The following KIRREL3 variants were observed in gnomAD, a reference collection of about 807,000 sequenced individuals.
The protein encoded by KIRREL3 is kin of IRRE-like protein 3.
In KIRREL3, 36 loss-of-function variants were observed where a neutral mutation model predicts 89.7. The observed-to-expected ratio is 0.40, with a 90% CI of 0.31 to 0.53. KIRREL3 has a LOEUF of 0.53. KIRREL3 is among the 20% of genes least tolerant of loss of function. The pLI, the probability that KIRREL3 is intolerant of heterozygous loss-of-function variation, is 0.49. For missense variants in KIRREL3, 864 were observed against 1,056.6 expected, an observed-to-expected ratio of 0.82 and a Z score of 2.53; for synonymous variants, 445 against 441.4, an observed-to-expected ratio of 1.01 and a Z score of -0.10.
In KIRREL3 at chr11:126,655,741, G is replaced by A. The variant is rs1056184927; in HGVS notation, c.56-92829C>T. Among the ~76,000 whole-genome samples, 11 of 152,082 alleles carry A rather than the reference G, an allele frequency of 7.2e-5. No homozygotes were observed. The highest frequency in any genetic ancestry group is 7.2e-4 in the Admixed American group (11 of 15,278). On this transcript the variant is annotated intron_variant, in intron 1 of 16. Coordinates refer to ENST00000525144, the MANE Select transcript of KIRREL3 (RefSeq NM_032531.4). This position sits in a 1 kb window ranked among gnomAD's most constrained non-coding sequence, Gnocchi z 5.0. Reference sequence around the variant, plus strand: ...TTAGGGGGACAGTCCTGGTGGCTTGGTCTTAGGCTTGTCTTGGCTCAGGTT... The same window carrying A: ...TTAGGGGGACAGTCCTGGTGGCTTGATCTTAGGCTTGTCTTGGCTCAGGTT...
intron 1 of KIRREL3, among the ~76,000 whole-genome samples, chr11:126,826,071 C>T (rs942129024): frequency 7.9e-5 from 12 of 152,110 alleles, no homozygotes; most frequent in South Asian, 4.1e-4. Context: ...CATCAGATGC[C>T]CCCTTTCCAA....
At chr11:126,480,657 G>C (rs12803938) in intron 4 of KIRREL3, among the ~76,000 whole-genome samples, 1 of 152,108 alleles carries the variant, frequency 6.6e-6, no homozygotes, top group Non-Finnish European at 1.5e-5. Context: ...TCTGCGAAGC[G>C]GGCTCTCTGC....
At position 126,673,800 on chromosome 11, in the gene KIRREL3, A is replaced by C. The variant is rs189211209; in HGVS notation, c.56-110888T>G. Among the ~76,000 whole-genome samples, 69 of 152,342 alleles carry C rather than the reference A, an allele frequency of 4.5e-4. 1 individual carries two copies. The highest frequency in any genetic ancestry group is 1.4e-3 in the African/African-American group (60 of 41,584). On this transcript the variant is annotated intron_variant, in intron 1 of 16. Coordinates refer to ENST00000525144, the MANE Select transcript of KIRREL3 (RefSeq NM_032531.4). ...TAATCCTTGCCCTGCTCATAGAAGCAATGAAAGAAGCTCTAAACACCGGGA... is the reference window on the plus strand; with the variant it reads ...TAATCCTTGCCCTGCTCATAGAAGCCATGAAAGAAGCTCTAAACACCGGGA...
intron 7 of KIRREL3, among the ~76,000 whole-genome samples, chr11:126,451,241 G>C (rs61722412): frequency 0.024 from 3,570 of 145,840 alleles, 124 homozygotes; most frequent in African/African-American, 0.084. Context: ...ATGTGTACAT[G>C]TGTGAGCATG....
rs1416859281 is a variant in KIRREL3, at chr11:126,904,816, G to C, written c.55+95639C>G. The stretch of plus-strand genomic sequence containing the variant: ...TCTCTTTGCGTCTGTAAGCATCAAT[G>C]CTATTCCTCAGAGACATTAAGATCC... On this transcript the variant is annotated intron_variant, in intron 1 of 16. Transcript: ENST00000525144. The surrounding 1 kb of genome is among the most constrained non-coding windows in gnomAD (Gnocchi z 4.4). Among the ~76,000 whole-genome samples, 2 of 152,126 alleles carry C rather than the reference G, an allele frequency of 1.3e-5. No homozygotes were observed. The highest frequency in any genetic ancestry group is 2.9e-5 in the Non-Finnish European group (2 of 68,020).
At chr11:126,552,853 G>A (rs12291342) in intron 2 of KIRREL3, among the ~76,000 whole-genome samples, 10,308 of 151,920 alleles carry the variant, frequency 0.068, 1,000 homozygotes, top group African/African-American at 0.21. Context: ...GTGAGCCACC[G>A]TGCCAGGCCA....
At chr11:126,936,534 G>A (rs1163509096) in intron 1 of KIRREL3, 15 of 144,806 alleles carry the variant, frequency 1.0e-4, no homozygotes, top group East Asian at 1.0e-3. Flanking sequence ...TGGTCTATCC[G>A]TACAATAAAA....
In KIRREL3 at chr11:126,566,208, A is replaced by G. The variant is rs562902468; in HGVS notation, c.56-3296T>C. On this transcript the variant is annotated intron_variant, in intron 1 of 16. Transcript: ENST00000525144. This position sits in a 1 kb window ranked among gnomAD's most constrained non-coding sequence, Gnocchi z 4.9. ...GTTCATAGCAAGGAAGTCCAGGGTC[A>G]CCTGCAGATGGGGCAGTGGAGGGCA... Among the ~76,000 whole-genome samples, 2 of 152,340 alleles carry G rather than the reference A, an allele frequency of 1.3e-5. No individual in the cohort carries two copies. Among genetic ancestry groups the G allele is most frequent in the South Asian group, 4.1e-4 (2 of 4,828 alleles).
intron 1 of KIRREL3, among the ~76,000 whole-genome samples, chr11:126,823,763 G>T (rs1943304859): frequency 6.6e-6 from 1 of 152,206 alleles, no homozygotes; most frequent in Non-Finnish European, 1.5e-5. Context: ...AAGAAACAAC[G>T]ACCTATCTGA....
In KIRREL3 at chr11:126,665,051, G is replaced by T. The variant is rs1366205810; in HGVS notation, c.56-102139C>A. 2.0e-5 allele frequency among the ~76,000 whole-genome samples: 3 copies of T among 152,184 alleles called. No individual in the cohort carries two copies. In the East Asian group the frequency reaches 5.8e-4, roughly 29 times the overall value. ...ACTTTATCCAGCTTGTATCCTCTAT[G>T]CTAAGTGCACAGCAGATTACATGGT... On this transcript the variant is annotated intron_variant, in intron 1 of 16. Coordinates refer to ENST00000525144, the MANE Select transcript of KIRREL3 (RefSeq NM_032531.4).
chr11:126,923,578 G>T (rs1018865505), intron 1 of KIRREL3, among the ~76,000 whole-genome samples: 1 of 151,458 alleles, frequency 6.6e-6, no homozygotes, highest in Non-Finnish European at 1.5e-5. Context: ...CTAGCAGCTG[G>T]GATTACAGGC....
At chr11:126,593,546 T>C (rs1202870319) in intron 1 of KIRREL3, among the ~76,000 whole-genome samples, 2 of 152,214 alleles carry the variant, frequency 1.3e-5, no homozygotes, top group Non-Finnish European at 2.9e-5. Context: ...CGGCTGGACC[T>C]GTGGCCTGCT....
chr11:126,874,467 T>C (rs1461097793), intron 1 of KIRREL3, among the ~76,000 whole-genome samples: 5 of 152,254 alleles, frequency 3.3e-5, no homozygotes, highest in African/African-American at 7.2e-5. Flanking sequence ...CCGGTGCCTG[T>C]GCTGCTGATG....
At chr11:126,980,344 G>A (rs1318575384) in intron 1 of KIRREL3, among the ~76,000 whole-genome samples, 2 of 152,176 alleles carry the variant, frequency 1.3e-5, no homozygotes, top group African/African-American at 2.4e-5. Flanking sequence ...ACAAATGCAA[G>A]TATCTACAGA....
At chr11:126,956,876 G>T (rs576332020) in intron 1 of KIRREL3, among the ~76,000 whole-genome samples, 9 of 152,276 alleles carry the variant, frequency 5.9e-5, no homozygotes, top group South Asian at 4.1e-4. Context: ...AGGCAATTCT[G>T]GTTGTCACCC....
rs1950093371 is a variant in KIRREL3, at chr11:126,993,432, T to A, written c.55+7023A>T. 6.6e-6 allele frequency among the ~76,000 whole-genome samples: 1 copy of A among 152,238 alleles called. No individual in the cohort carries two copies. The highest frequency in any genetic ancestry group is 1.5e-5 in the Non-Finnish European group (1 of 68,042). On this transcript the variant is annotated intron_variant, in intron 1 of 16. Coordinates refer to ENST00000525144, the MANE Select transcript of KIRREL3 (RefSeq NM_032531.4). The surrounding 1 kb of genome is among the most constrained non-coding windows in gnomAD (Gnocchi z 6.1). ...GTAAGAGACTGGAAATCGCTTTTCA[T>A]GCTTCGTTTAGAGAACTCTTGAGCA...
At chr11:126,753,782 C>G (rs756652701) in intron 1 of KIRREL3, among the ~76,000 whole-genome samples, 1 of 152,166 alleles carries the variant, frequency 6.6e-6, no homozygotes, top group Admixed American at 6.5e-5. Context: ...GTCTCCTTAC[C>G]TAGAAAATGG....
At chr11:126,803,501 TA>T (rs1951106048) in intron 1 of KIRREL3, among the ~76,000 whole-genome samples, 3 of 152,192 alleles carry the variant, frequency 2.0e-5, no homozygotes, top group Non-Finnish European at 4.4e-5. Context: ...GTATTATACA[TA>T]AAAATAAATA....
Position 126,505,926 on chromosome 11 carries a change from C to G in KIRREL3, c.433+15389G>C, listed in dbSNP as rs74455144. 3.3e-5 allele frequency among the ~76,000 whole-genome samples: 5 copies of G among 152,260 alleles called. No individual in the cohort carries two copies. In the East Asian group the frequency reaches 7.7e-4, roughly 23 times the overall value. On this transcript the variant is annotated intron_variant, in intron 4 of 16. Transcript: ENST00000525144. ...CAATTCCTATCAAAATTCCAGCAAC[C>G]ATTTTTTTGCAGATGTTGACAGACT... is the stretch of plus-strand genomic sequence containing the variant.
Sources: gnomAD v4.1 joint callset for allele counts (sites outside exome capture counted in the v4.1 genomes callset) on GRCh38, gnomAD v4.1.1 for gene constraint, Gnocchi (gnomAD v3.1) non-coding constraint, MANE v1.5 for transcripts, NCBI Gene and HGNC (gene_info 2026-07-23, HGNC 2026-07-21) for gene names.